Variants in ALS2 observed in about 807,000 individuals in gnomAD.
The protein encoded by ALS2 is alsin.
Under a neutral mutation model 203.4 loss-of-function variants are expected in ALS2, and 117 were observed. The observed-to-expected ratio is 0.58, with a 90% CI of 0.50 to 0.67. ALS2 has a LOEUF of 0.67. Ranked by LOEUF, ALS2 falls within the 30% of genes least tolerant of loss-of-function variation. ALS2 has a pLI of 0.00. For missense variants in ALS2, 1,715 were observed against 1,989.4 expected (o/e 0.86, Z 2.62); for synonymous variants, 718 against 725.9 (o/e 0.99, Z 0.17).
intron 7 of ALS2, among the ~76,000 whole-genome samples, chr2:201,750,247 CAG>C (rs1469926450): frequency 6.6e-6 from 1 of 151,766 alleles, no homozygotes; most frequent in African/African-American, 2.4e-5. Flanking sequence ...TAACACTTTT[CAG>C]GTGCTTACTA....
intron 20 of ALS2, among the ~76,000 whole-genome samples, chr2:201,724,885 G>A (rs891168003): frequency 1.5e-4 from 23 of 151,938 alleles, no homozygotes; most frequent in Non-Finnish European, 2.9e-4. Context: ...AGGCCGAGGC[G>A]GGTGGATCAC....
chr2:201,729,073 C>G lies in ALS2; in HGVS notation c.2691G>C (p.Lys897Asn). ...KEAEYTLGFWKTFPGKMTDSL... is the reference protein window; with the variant it reads ...KEAEYTLGFWNTFPGKMTDSL... ...TTACCGTCATTTTTCCGGGGAAGGTCTTCCAGAAGCCCAGTGTGTATTCTG... is the reference window on the plus strand; with the variant it reads ...TTACCGTCATTTTTCCGGGGAAGGTGTTCCAGAAGCCCAGTGTGTATTCTG... Residue 897 changes from lysine to asparagine, a missense_variant, in exon 14 of 34, where the codon AAG (lysine) becomes AAC (asparagine). Lys to Asn is a moderately conservative substitution (Grantham distance 94, BLOSUM62 0). Coordinates refer to ENST00000264276, the MANE Select transcript of ALS2 (RefSeq NM_020919.4). 1 of 1,614,130 alleles carries G rather than the reference C, an allele frequency of 6.2e-7. No homozygotes were observed. Among genetic ancestry groups the G allele is most frequent in the Non-Finnish European group, 8.5e-7 (1 of 1,180,022 alleles).
At chr2:201,755,660 G>A (rs1693334953) in intron 5 of ALS2, among the ~76,000 whole-genome samples, 1 of 152,136 alleles carries the variant, frequency 6.6e-6, no homozygotes, top group Non-Finnish European at 1.5e-5. Flanking sequence ...GCTATAAAAT[G>A]TAAACATTTC....
intron 9 of ALS2, among the ~76,000 whole-genome samples, chr2:201,745,979 T>C (rs990744341): frequency 2.0e-5 from 3 of 152,004 alleles, no homozygotes; most frequent in African/African-American, 7.3e-5. Flanking sequence ...TTAATTAAAT[T>C]AAAAGTGGAG....
intron 1 of ALS2, among the ~76,000 whole-genome samples, chr2:201,775,744 T>A (rs1694627634): frequency 6.6e-6 from 1 of 152,200 alleles, no homozygotes; most frequent in Non-Finnish European, 1.5e-5. Flanking sequence ...TGGGAGCCAA[T>A]GAGCCTTCAA....
chr2:201,775,016 C>T (rs895783602), intron 1 of ALS2, among the ~76,000 whole-genome samples: 20 of 152,194 alleles, frequency 1.3e-4, no homozygotes, highest in African/African-American at 4.8e-4. Flanking sequence ...CAAAACTGGG[C>T]CTTCCTAGTC....
chr2:201,718,223 A>T lies in ALS2; in HGVS notation c.3703-13T>A, dbSNP rs1374501649. 1 of 1,609,580 alleles carries T rather than the reference A, an allele frequency of 6.2e-7. No individual in the cohort carries two copies. Among genetic ancestry groups the T allele is most frequent in the East Asian group, 2.2e-5 (1 of 44,772 alleles). ...TAGTCAGTGTTCCCTAGGTAAAGTCAGAGAATAAAATGTGGGGTTAGAGGA... is the reference window on the plus strand; with the variant it reads ...TAGTCAGTGTTCCCTAGGTAAAGTCTGAGAATAAAATGTGGGGTTAGAGGA... On this transcript the variant is annotated splice_polypyrimidine_tract_variant and intron_variant, in intron 23 of 33. Coordinates refer to ENST00000264276, the MANE Select transcript of ALS2 (RefSeq NM_020919.4).
At chr2:201,709,740 A>G in intron 27 of ALS2, 141 bp downstream of exon 27, 1 of 1,019,596 alleles carries the variant, frequency 9.8e-7, no homozygotes, top group Admixed American at 1.8e-5. Context: ...GCTTACACAT[A>G]CATTTAAAAC....
chr2:201,743,184 G>A (rs561854461), intron 10 of ALS2, among the ~76,000 whole-genome samples: 1 of 152,090 alleles, frequency 6.6e-6, no homozygotes, highest in Non-Finnish European at 1.5e-5. Context: ...AACACAGTGG[G>A]GCAAGGAGTG....
chr2:201,736,044 A>G (rs73053699), intron 12 of ALS2, among the ~76,000 whole-genome samples: 1,892 of 152,194 alleles, frequency 0.012, 42 homozygotes, highest in African/African-American at 0.043. Context: ...TAACTAAGCT[A>G]TTTTATTCAT....
intron 27 of ALS2, among the ~76,000 whole-genome samples, chr2:201,708,879 GA>G (rs11336619): frequency 0.89 from 136,053 of 152,136 alleles, 61,041 homozygotes; most frequent in East Asian, 0.98. Context: ...TTGTATAGTT[GA>G]AAAAAACTAA....
At position 201,723,338 on chromosome 2, in the gene ALS2, T is replaced by C. The variant is rs1271344719; in HGVS notation, c.3616A>G (p.Lys1206Glu). ...GCAAATATTCCACTCACCATCATTT[T>C]ATTAAGGTGAAAGTTGCCCTCGTAG... ...LYYEGNFHLNKMMGNGVLLSE... is the reference protein window; with the variant it reads ...LYYEGNFHLNEMMGNGVLLSE... The change falls in exon 22 of 34, where the codon AAA (lysine) becomes GAA (glutamate). Residue 1206 changes from lysine to glutamate, a missense_variant. By Grantham distance (56) the Lys-to-Glu change is moderately conservative. This residue lies in a region of ALS2 where 1,227 missense variants were observed against 1,413.5 expected (regional missense o/e 0.87). Coordinates refer to ENST00000264276, the MANE Select transcript of ALS2 (RefSeq NM_020919.4). The C allele has an allele frequency of 6.2e-7, 1 of 1,605,454 alleles. No individual in the cohort carries two copies. Among genetic ancestry groups the C allele is most frequent in the Non-Finnish European group, 8.5e-7 (1 of 1,172,174 alleles).
chr2:201,744,661 G>C (rs570150909), intron 9 of ALS2, among the ~76,000 whole-genome samples: 1 of 150,402 alleles, frequency 6.6e-6, no homozygotes, highest in Admixed American at 6.6e-5. Flanking sequence ...TTTTTTTAGA[G>C]CTGGTTCATC....
chr2:201,712,753 GA>G (rs372321027), intron 25 of ALS2, among the ~76,000 whole-genome samples: 42,995 of 90,642 alleles, frequency 0.47, 6,918 homozygotes, highest in East Asian at 0.72. Context: ...CAGGAGAAAA[GA>G]AAAAAAAAAA....
intron 5 of ALS2, among the ~76,000 whole-genome samples, chr2:201,756,142 T>C (rs1325650769): frequency 1.3e-5 from 2 of 152,126 alleles, no homozygotes; most frequent in East Asian, 1.9e-4. Flanking sequence ...GGATTCATGA[T>C]GTAATGATAT....
intron 1 of ALS2, among the ~76,000 whole-genome samples, chr2:201,774,791 T>C (rs1182588383): frequency 1.3e-5 from 2 of 152,308 alleles, no homozygotes; most frequent in East Asian, 3.9e-4. Context: ...TAGTCTAAAA[T>C]TTCCATGGAA....
intron 3 of ALS2, chr2:201,763,213 G>C: frequency 5.1e-6 from 1 of 197,188 alleles, no homozygotes; most frequent in South Asian, 9.6e-5. Flanking sequence ...GGGGGAACAA[G>C]ATCAGCAAGC....
chr2:201,706,554 T>A lies in ALS2; in HGVS notation c.4580+292A>T, dbSNP rs556191061. Among the ~76,000 whole-genome samples, 24 of 135,946 alleles carry A rather than the reference T, an allele frequency of 1.8e-4. No homozygotes were observed. The South Asian group carries it at 3.9e-3, about 22-fold the overall frequency. 89.2% of individuals were successfully genotyped at this position (135,946 alleles called of 152,430 possible). A position where few individuals can be genotyped will look rare whatever the true frequency, so the allele number is the denominator to read the frequency against. ...CACACTTTATATATATATATATATATAACTATACATAATATATAAAATACA... is the reference window on the plus strand; with the variant it reads ...CACACTTTATATATATATATATATAAAACTATACATAATATATAAAATACA... On this transcript the variant is annotated intron_variant, in intron 29 of 33. Transcript: ENST00000264276.
In ALS2 at chr2:201,727,764, G is replaced by A. The variant is rs376099021; in HGVS notation, c.2853C>T (p.His951=). Reference sequence around the variant, plus strand: ...ACAGCGTGGCCAGAGGGAAAACATGGTGCGTGGAGAACTGAAACAGAGAAC... The same window carrying A: ...ACAGCGTGGCCAGAGGGAAAACATGATGCGTGGAGAACTGAAACAGAGAAC... The part of the protein sequence containing the change: ...DALVHAQFST[H]HVFPLATLWA... The change falls in exon 16 of 34, where the codon CAC becomes CAT. Residue 951 remains histidine, a synonymous_variant. Transcript: ENST00000264276. The A allele has an allele frequency of 6.4e-7, 1 of 1,551,608 alleles. No individual in the cohort carries two copies. The highest frequency in any genetic ancestry group is 8.7e-7 in the Non-Finnish European group (1 of 1,147,012).
Sources: allele counts gnomAD v4.1 joint callset (sites outside exome capture counted in the v4.1 genomes callset), GRCh38; gene constraint gnomAD v4.1.1; regional missense constraint gnomAD v4.1.1; transcripts MANE v1.5; gene names NCBI Gene and HGNC (gene_info 2026-07-23, HGNC 2026-07-21).